NEB: variants seen among roughly 807,000 people sequenced by gnomAD.
NEB encodes the protein nemaline myopathy type 2.
In NEB, 512 loss-of-function variants were observed where a neutral mutation model predicts 952.2. That is an observed-to-expected ratio of 0.54 (90% confidence interval 0.50 to 0.58). The LOEUF is 0.58. NEB is among the 20% of genes least tolerant of loss of function. The pLI, the probability that NEB is intolerant of heterozygous loss-of-function variation, is 0.00. For synonymous variants in NEB, 2,900 were observed against 3,149.8 expected (o/e 0.92, Z 2.66); for missense variants, 8,428 against 9,231.1 (o/e 0.91, Z 3.56).
rs2099604411 is a variant in NEB, at chr2:151,697,448, T to C, written c.1267A>G (p.Lys423Glu). 1.2e-6 allele frequency: 2 copies of C among 1,613,262 alleles called. No homozygotes were observed. The highest frequency in any genetic ancestry group is 2.2e-5 in the South Asian group (2 of 90,864). The change falls in exon 15 of 182, where the codon AAA becomes GAA. Residue 423 changes from lysine to glutamate, a missense_variant. By Grantham distance (56) the Lys-to-Glu change is moderately conservative. This residue lies in a region of NEB where 2,851 missense variants were observed against 2,791.5 expected (regional missense o/e 1.02). Coordinates refer to ENST00000397345, the MANE Select transcript of NEB (RefSeq NM_001164508.2). ...LQNFSSDKKY[K>E]DSYLKDILGH... is the part of the protein sequence containing the mutation. ...AAAATATCTTTTAAGTAGGAATCTT[T>C]ATATTTTTTCTGCAAGACAAAACAT...
chr2:151,702,617 G>T (rs1172682846), intron 13 of NEB, among the ~76,000 whole-genome samples: 9 of 151,820 alleles, frequency 5.9e-5, no homozygotes, highest in South Asian at 4.2e-4. Context: ...TTACCATTAT[G>T]TAATGGCCTT....
chr2:151,492,045 C>G lies in NEB; in HGVS notation c.25057+53G>C, dbSNP rs766817634. 251 of 1,560,552 alleles carry G rather than the reference C, an allele frequency of 1.6e-4. 2 individuals are homozygous for G. The highest frequency in any genetic ancestry group is 7.1e-4 in the Admixed American group (42 of 59,396). On this transcript the variant is annotated intron_variant, in intron 178 of 181. Coordinates refer to ENST00000397345, the MANE Select transcript of NEB (RefSeq NM_001164508.2). Reference sequence around the variant, plus strand: ...TGATGTAGGTAATGCTACTTTTGTTCTTCTACCCCCTCACTTAAAGTTAAT... The same window carrying G: ...TGATGTAGGTAATGCTACTTTTGTTGTTCTACCCCCTCACTTAAAGTTAAT...
At position 151,665,389 on chromosome 2, in the gene NEB, C is replaced by T. The variant is rs371639863; in HGVS notation, c.5182G>A (p.Ala1728Thr). The T allele has an allele frequency of 1.2e-5, 20 of 1,613,610 alleles. No homozygotes were observed. The highest frequency in any genetic ancestry group is 5.3e-5 in the African/African-American group (4 of 74,960). The change falls in exon 42 of 182, where the codon GCC (alanine) becomes ACC (threonine). Residue 1728 changes from alanine (A) to threonine (T), a missense_variant. Ala to Thr is a moderately conservative substitution (Grantham distance 58). Coordinates refer to ENST00000397345, the MANE Select transcript of NEB (RefSeq NM_001164508.2). ...AGTGCCTGTTCCATTGTGTCCATGG[C>T]GTAAGTGAACTTCAGCTTCTCGGGG... ...QHPEKLKFTY[A>T]MDTMEQALNK... is the part of the protein sequence containing the mutation.
In NEB at chr2:151,633,859, T is replaced by C. The variant is rs767243995; in HGVS notation, c.9209A>G (p.Gln3070Arg). 1.2e-6 allele frequency: 2 copies of C among 1,614,058 alleles called. No homozygotes were observed. The highest frequency in any genetic ancestry group is 1.1e-5 in the South Asian group (1 of 91,084). Residue 3070 changes from glutamine (Q) to arginine (R), a missense_variant, in exon 65 of 182, where the codon CAG becomes CGG. Gln to Arg is a conservative substitution (Grantham distance 43). Around this residue, in one of 11 missense-constraint regions of NEB, gnomAD observed 1,772 missense variants for 1,960.3 expected, o/e 0.90. Transcript: ENST00000397345. ...MMWSMHVAKI[Q>R]SDREYKKDFE... is the part of the protein sequence containing the mutation. ...GTCCTTTTTGTACTCCCTGTCACTC[T>C]GGATCTTGGCTACGTGCATGGACCA...
Position 151,489,995 on chromosome 2 carries a change from G to A in NEB, c.25380C>T (p.Ile8460=). 1.9e-6 allele frequency: 3 copies of A among 1,609,072 alleles called. No individual in the cohort carries two copies. The highest frequency in any genetic ancestry group is 2.6e-6 in the Non-Finnish European group (3 of 1,175,478). ...VATQQTTVSS[I]PSHPSTAGKI... Reference sequence around the variant, plus strand: ...CTCCAGCAGTAGATGGATGAGATGGGATGGAAGATACCGTTGTCTGTTGGG... The same window carrying A: ...CTCCAGCAGTAGATGGATGAGATGGAATGGAAGATACCGTTGTCTGTTGGG... Residue 8460 remains isoleucine (I), a synonymous_variant, in exon 181 of 182, where the codon ATC becomes ATT. Transcript: ENST00000397345.
chr2:151,492,356 G>C, intron 177 of NEB, 31 bp downstream of exon 177: 1 of 1,588,868 alleles, frequency 6.3e-7, no homozygotes, highest in Non-Finnish European at 8.6e-7. Context: ...CTGACAGGCA[G>C]CCAGCCAATC....
At chr2:151,720,073 C>A (rs1235972231) in intron 9 of NEB, among the ~76,000 whole-genome samples, 1 of 151,818 alleles carries the variant, frequency 6.6e-6, no homozygotes, top group Non-Finnish European at 1.5e-5. Flanking sequence ...TCTCAGGAAC[C>A]TTCTTCAGAA....
chr2:151,730,233 T>C (rs143069456), intron 3 of NEB, among the ~76,000 whole-genome samples: 2 of 152,262 alleles, frequency 1.3e-5, no homozygotes, highest in East Asian at 1.9e-4. Context: ...CTTTCAATAG[T>C]GTGATTGTCC....
rs759011090 is a variant in NEB, at chr2:151,631,211, T to C, written c.9550A>G (p.Lys3184Glu). 6.2e-6 allele frequency: 10 copies of C among 1,613,804 alleles called. No individual in the cohort carries two copies. The highest frequency in any genetic ancestry group is 8.5e-6 in the Non-Finnish European group (10 of 1,179,870). Residue 3184 changes from lysine to glutamate, a missense_variant, in exon 66 of 182, where the codon AAA (lysine) becomes GAA (glutamate). By Grantham distance (56) the Lys-to-Glu change is moderately conservative. Transcript: ENST00000397345. Reference sequence around the variant, plus strand: ...AGAGAATCAGTCACACTGGTAAATTTCAGCTTGTCCGGAGGCTGGCGGTAG... The same window carrying C: ...AGAGAATCAGTCACACTGGTAAATTCCAGCTTGTCCGGAGGCTGGCGGTAG... Reference protein sequence around the residue: ...NIYRQPPDKLKFTSVTDSLEQ... With the variant: ...NIYRQPPDKLEFTSVTDSLEQ...
Position 151,592,040 on chromosome 2 carries a change from G to T in NEB, c.14820C>A (p.Ile4940=), listed in dbSNP as rs1470365335. 6.5e-7 allele frequency: 1 copy of T among 1,549,542 alleles called. No homozygotes were observed. The highest frequency in any genetic ancestry group is 1.4e-5 in the African/African-American group (1 of 73,010). ...MLQSKINALQ[I]SNKRYQQAWE... is the part of the protein sequence containing the mutation. The stretch of plus-strand genomic sequence containing the variant: ...ATGATGTGCGCTGTCTTACATTGCT[G>T]ATCTGCAGAGCATTGATTTTGGATT... Residue 4940 remains isoleucine (I), a synonymous_variant, in exon 95 of 182, where the codon ATC becomes ATA. Coordinates refer to ENST00000397345, the MANE Select transcript of NEB (RefSeq NM_001164508.2).
chr2:151,679,667 AGC>A, intron 32 of NEB, 52 bp downstream of exon 32: 3 of 486,360 alleles, frequency 6.2e-6, no homozygotes, highest in East Asian at 5.0e-5. Flanking sequence ...TCAGACCCCA[AGC>A]CCACCCACCC....
chr2:151,500,865 C>G (rs1449076724), intron 168 of NEB, among the ~76,000 whole-genome samples: 1 of 152,086 alleles, frequency 6.6e-6, no homozygotes, highest in Non-Finnish European at 1.5e-5. Flanking sequence ...TCCCAAAGTG[C>G]TGAGGTGACA....
intron 167 of NEB, among the ~76,000 whole-genome samples, chr2:151,502,574 C>T (rs2065555317): frequency 6.6e-6 from 1 of 151,960 alleles, no homozygotes. Flanking sequence ...CAGAGTATTA[C>T]AGGTTTTTAA....
intron 153 of NEB, among the ~76,000 whole-genome samples, chr2:151,523,861 C>T (rs1025714571): frequency 6.6e-6 from 1 of 151,748 alleles, no homozygotes; most frequent in Non-Finnish European, 1.5e-5. Context: ...CTTCCTAGCC[C>T]GGGCAGTTAA....
Position 151,569,256 on chromosome 2 carries a change from A to G in NEB, c.17535+12T>C. 6.2e-7 allele frequency: 1 copy of G among 1,611,062 alleles called. No homozygotes were observed. Among genetic ancestry groups the G allele is most frequent in the African/African-American group, 1.3e-5 (1 of 74,966 alleles). On this transcript the variant is annotated intron_variant, in intron 110 of 181. Transcript: ENST00000397345. ...GAAATGTACTGAATGTCAGGGTAAAATCTTGGAATACCTCACTGAAGATGT... is the reference window on the plus strand; with the variant it reads ...GAAATGTACTGAATGTCAGGGTAAAGTCTTGGAATACCTCACTGAAGATGT...
chr2:151,664,262 G>A (rs1223399181), intron 44 of NEB, among the ~76,000 whole-genome samples: 1 of 152,212 alleles, frequency 6.6e-6, no homozygotes, highest in Non-Finnish European at 1.5e-5. Flanking sequence ...AGGATTGTAA[G>A]TGATTTGAAT....
chr2:151,649,664 G>A (rs2099008223), intron 54 of NEB, among the ~76,000 whole-genome samples: 1 of 152,052 alleles, frequency 6.6e-6, no homozygotes, highest in Admixed American at 6.6e-5. Flanking sequence ...TACCTATTAT[G>A]TGCTAGATAC....
Position 151,656,334 on chromosome 2 carries a change from T to C in NEB, c.6314A>G (p.Asn2105Ser). 1 of 1,613,584 alleles carries C rather than the reference T, an allele frequency of 6.2e-7. No homozygotes were observed. Among genetic ancestry groups the C allele is most frequent in the Non-Finnish European group, 8.5e-7 (1 of 1,179,688 alleles). The change falls in exon 49 of 182, where the codon AAC becomes AGC. Residue 2105 changes from asparagine to serine, a missense_variant. Asn to Ser is a conservative substitution (Grantham distance 46). Around this residue, in one of 11 missense-constraint regions of NEB, gnomAD observed 2,851 missense variants for 2,791.5 expected, o/e 1.02. Coordinates refer to ENST00000397345, the MANE Select transcript of NEB (RefSeq NM_001164508.2). ...GTAGCTGGTCTTTGTGTTCTCATAGTTTTTCTTGTACTCCCGATCAGATTG... is the reference window on the plus strand; with the variant it reads ...GTAGCTGGTCTTTGTGTTCTCATAGCTTTTCTTGTACTCCCGATCAGATTG... ...KMQSDREYKK[N>S]YENTKTSYHT...
intron 52 of NEB, among the ~76,000 whole-genome samples, chr2:151,651,158 T>G (rs1206125342): frequency 6.6e-6 from 1 of 152,200 alleles, no homozygotes; most frequent in African/African-American, 2.4e-5. Context: ...TAACTTAGTA[T>G]GGAATGTTTA....
Sources: allele counts gnomAD v4.1 joint callset (sites outside exome capture counted in the v4.1 genomes callset), GRCh38; gene constraint gnomAD v4.1.1; regional missense constraint gnomAD v4.1.1; transcripts MANE v1.5; gene names NCBI Gene and HGNC (gene_info 2026-07-23, HGNC 2026-07-21).